The following BAG2 variants were observed in gnomAD, a reference collection of about 807,000 sequenced individuals.
BAG2 encodes BAG cochaperone 2.
A neutral mutation model predicts 16.4 loss-of-function variants in BAG2; 8 were observed. The ratio of observed to expected loss-of-function variants is 0.49; its 90% confidence interval spans 0.29 to 0.88. The LOEUF is 0.88. Ranked by LOEUF, BAG2 falls within the 40% of genes least tolerant of loss-of-function variation. The probability of loss-of-function intolerance (pLI) is 0.09; values close to 1 mark genes in which losing one functional copy is unlikely to be tolerated. For synonymous variants in BAG2, 82 were observed against 89.2 expected (o/e 0.92, Z 0.46); for missense variants, 218 against 248.9 (o/e 0.88, Z 0.84).
At chr6:57,178,867 G>A (rs758377907) in intron 1 of BAG2, among the ~76,000 whole-genome samples, 7 of 151,964 alleles carry the variant, frequency 4.6e-5, no homozygotes, top group South Asian at 2.1e-4. Flanking sequence ...AAATATTTTC[G>A]TCATATGACA....
rs780153559 is a variant in BAG2 at position 57,184,174 on chromosome 6, A to G, written c.620A>G (p.Glu207Gly). The G allele has an allele frequency of 6.5e-7, 1 of 1,546,764 alleles. No homozygotes were observed. The highest frequency in any genetic ancestry group is 8.7e-7 in the Non-Finnish European group (1 of 1,155,760). Residue 207 changes from glutamate to glycine, a missense_variant, in exon 3 of 3, where the codon GAA becomes GGA. Physicochemically the swap from Glu to Gly is moderately conservative, Grantham distance 98. Coordinates refer to ENST00000370693, the MANE Select transcript of BAG2 (RefSeq NM_004282.4). ...TCCAAAACTCTGCAACAAAATGCTG[A>G]AAGCAGATTCAATTAGTCTTCAAAC... ...AGSKTLQQNA[E>G]SRFN
rs1764613631 is a variant in BAG2 at position 57,186,419 on chromosome 6, CG to C, written c.*2230del. ...GCAACCTCCACCTCCCGGGTTCAAG[CG>C]ATTCTCCTGCCTCAGCCTCCCTAGT... On this transcript the variant is annotated 3_prime_UTR_variant, in exon 3 of 3. Transcript: ENST00000370693. 1 of 152,412 alleles carries C rather than the reference CG, an allele frequency of 6.6e-6. No individual in the cohort carries two copies. Among genetic ancestry groups the C allele is most frequent in the Non-Finnish European group, 1.5e-5 (1 of 68,264 alleles). 9.4% of individuals were successfully genotyped at this position (152,412 alleles called of 1,614,324 possible). A position where few individuals can be genotyped will look rare whatever the true frequency, so the allele number is the denominator to read the frequency against.
At chr6:57,179,727 C>A (rs554971099) in intron 1 of BAG2, among the ~76,000 whole-genome samples, 1 of 152,048 alleles carries the variant, frequency 6.6e-6, no homozygotes, top group Non-Finnish European at 1.5e-5. Context: ...ATATATATTT[C>A]TTTATTTTGC....
chr6:57,172,557 C>T lies in BAG2; in HGVS notation c.-141C>T. 1.6e-6 allele frequency: 1 copy of T among 624,674 alleles called. No individual in the cohort carries two copies. Among genetic ancestry groups the T allele is most frequent in the Non-Finnish European group, 2.5e-6 (1 of 397,758 alleles). The allele number at this position is 624,674 out of a possible 1,614,324, so 38.7% of individuals were successfully genotyped here. A position where few individuals can be genotyped will look rare whatever the true frequency, so the allele number is the denominator to read the frequency against. ...CGCTGCAGCCGCGGTGTCGGCGAGT[C>T]CTCCCGGGTTGCCCCCGCGGGCGTC... is the stretch of plus-strand genomic sequence containing the variant. On this transcript the variant is annotated 5_prime_UTR_variant, in exon 1 of 3. Coordinates refer to ENST00000370693, the MANE Select transcript of BAG2 (RefSeq NM_004282.4).
chr6:57,172,895 C>A, intron 1 of BAG2, 85 bp downstream of exon 1: 1 of 1,191,934 alleles, frequency 8.4e-7, no homozygotes, highest in Non-Finnish European at 1.1e-6. Context: ...CCGCGTGTGG[C>A]GGGCCGGGGC....
intron 1 of BAG2, among the ~76,000 whole-genome samples, chr6:57,181,777 C>A (rs1260425748): frequency 1.3e-5 from 2 of 151,968 alleles, no homozygotes; most frequent in East Asian, 3.9e-4. Flanking sequence ...TCAAAATATA[C>A]AAATAATACA....
Position 57,183,863 on chromosome 6 carries a change from C to G in BAG2, c.309C>G (p.Asn103Lys). 2 of 1,613,920 alleles carry G rather than the reference C, an allele frequency of 1.2e-6. No homozygotes were observed. Among genetic ancestry groups the G allele is most frequent in the Non-Finnish European group, 1.7e-6 (2 of 1,179,912 alleles). The change falls in exon 3 of 3, where the codon AAC (asparagine) becomes AAG (lysine). Residue 103 changes from asparagine to lysine, a missense_variant. Around this residue, in one of 3 missense-constraint regions of BAG2, gnomAD observed 113 missense variants for 128.0 expected, o/e 0.88. Coordinates refer to ENST00000370693, the MANE Select transcript of BAG2 (RefSeq NM_004282.4). ...TVEVSVETIRNPQQQESLKHA... is the reference protein window; with the variant it reads ...TVEVSVETIRKPQQQESLKHA... ...AAGTGTCAGTAGAAACAATTAGAAACCCCCAGCAGCAAGAATCCCTAAAGC... is the reference window on the plus strand; with the variant it reads ...AAGTGTCAGTAGAAACAATTAGAAAGCCCCAGCAGCAAGAATCCCTAAAGC...
chr6:57,176,660 C>A (rs1474346027), intron 1 of BAG2, among the ~76,000 whole-genome samples: 1 of 152,106 alleles, frequency 6.6e-6, no homozygotes, highest in Non-Finnish European at 1.5e-5. Flanking sequence ...TAACCTGCAC[C>A]CAGGTAGTGA....
chr6:57,176,357 A>G (rs1020086784), intron 1 of BAG2, among the ~76,000 whole-genome samples: 4 of 152,234 alleles, frequency 2.6e-5, no homozygotes, highest in African/African-American at 7.2e-5. Context: ...TCTTAAATAT[A>G]TCACATTTCA....
In BAG2 at chr6:57,186,548, C is replaced by A. The variant is rs1008601307; in HGVS notation, c.*2358C>A. On this transcript the variant is annotated 3_prime_UTR_variant, in exon 3 of 3. Transcript: ENST00000370693. ...GGCCAGGCTGGTCTCAAACTCCTGA[C>A]CTTGTGATCTGCCTGCCTTGGCCTC... The A allele has an allele frequency of 3.3e-5, 5 of 152,166 alleles. No homozygotes were observed. Among genetic ancestry groups the A allele is most frequent in the African/African-American group, 1.2e-4 (5 of 41,422 alleles). 9.4% of individuals were successfully genotyped at this position (152,166 alleles called of 1,614,324 possible).
rs1027834957 is a variant in BAG2, at chr6:57,172,562, C to A, written c.-136C>A. The A allele has an allele frequency of 5.9e-6, 4 of 672,322 alleles. No homozygotes were observed. Among genetic ancestry groups the A allele is most frequent in the Non-Finnish European group, 9.1e-6 (4 of 438,834 alleles). The allele number at this position is 672,322 out of a possible 1,614,324, so 41.6% of individuals were successfully genotyped here. ...CAGCCGCGGTGTCGGCGAGTCCTCC[C>A]GGGTTGCCCCCGCGGGCGTCAGAGG... On this transcript the variant is annotated 5_prime_UTR_variant, in exon 1 of 3. Transcript: ENST00000370693.
chr6:57,187,846 G>C lies in BAG2; in HGVS notation c.*3656G>C, dbSNP rs1446304075. On this transcript the variant is annotated 3_prime_UTR_variant, in exon 3 of 3. Transcript: ENST00000370693. ...GGAAAAAGTTTTCATCCTCTTTTTG[G>C]TAGTTTTAGCTTTATTTTGAAAAAG... is the stretch of plus-strand genomic sequence containing the variant. The C allele has an allele frequency of 6.6e-6, 1 of 151,826 alleles. No homozygotes were observed. The highest frequency in any genetic ancestry group is 1.5e-5 in the Non-Finnish European group (1 of 67,956). 9.4% of individuals were successfully genotyped at this position (151,826 alleles called of 1,614,324 possible).
intron 1 of BAG2, among the ~76,000 whole-genome samples, chr6:57,177,807 C>A (rs1764326231): frequency 6.6e-6 from 1 of 152,168 alleles, no homozygotes; most frequent in African/African-American, 2.4e-5. Flanking sequence ...TTAATAGTAG[C>A]CACAGTTTGC....
chr6:57,172,780 T>A lies in BAG2; in HGVS notation c.83T>A (p.Leu28Gln). 6.4e-7 allele frequency: 1 copy of A among 1,571,980 alleles called. No individual in the cohort carries two copies. The highest frequency in any genetic ancestry group is 8.6e-7 in the Non-Finnish European group (1 of 1,162,212). ...TCCATGGCTGACCGCTCCAGCCGCC[T>A]GCTGGAGAGCCTGGACCAGCTGGAG... ...SSSMADRSSR[L>Q]LESLDQLELR... Residue 28 changes from leucine (L) to glutamine (Q), a missense_variant, in exon 1 of 3, where the codon CTG (leucine) becomes CAG (glutamine). Leu to Gln is a moderately radical substitution (Grantham distance 113, BLOSUM62 -2). Coordinates refer to ENST00000370693, the MANE Select transcript of BAG2 (RefSeq NM_004282.4).
At chr6:57,176,869 C>T (rs1764299640) in intron 1 of BAG2, among the ~76,000 whole-genome samples, 1 of 149,456 alleles carries the variant, frequency 6.7e-6, no homozygotes, top group African/African-American at 2.5e-5. Flanking sequence ...CACATACTCT[C>T]TCTCCTAGAA....
At position 57,177,305 on chromosome 6, in the gene BAG2, A is replaced by G. The variant is rs865784053; in HGVS notation, c.113+4495A>G. On this transcript the variant is annotated intron_variant, in intron 1 of 2. Coordinates refer to ENST00000370693, the MANE Select transcript of BAG2 (RefSeq NM_004282.4). ...GTGGCGCATGTCTGTAGTCCTAGCC[A>G]CTCGGGAGGCTGAGGCAGGAGAATC... Among the ~76,000 whole-genome samples, 4 of 152,138 alleles carry G rather than the reference A, an allele frequency of 2.6e-5. No individual in the cohort carries two copies. The South Asian group carries it at 8.3e-4, about 32-fold the overall frequency.
chr6:57,174,633 T>A (rs1446717803), intron 1 of BAG2, among the ~76,000 whole-genome samples: 1 of 152,170 alleles, frequency 6.6e-6, no homozygotes, highest in Non-Finnish European at 1.5e-5. Flanking sequence ...TTCTTCTTTT[T>A]AAAAAAGTAA....
In BAG2 at chr6:57,188,407, G is replaced by GTAAC. The variant is rs920623820; in HGVS notation, c.*4220_*4223dup. 6 of 152,140 alleles carry GTAAC rather than the reference G, an allele frequency of 3.9e-5. No individual in the cohort carries two copies. The highest frequency in any genetic ancestry group is 5.9e-5 in the Non-Finnish European group (4 of 68,006). The allele number at this position is 152,140 out of a possible 1,614,324, so 9.4% of individuals were successfully genotyped here. On this transcript the variant is annotated 3_prime_UTR_variant, in exon 3 of 3. Transcript: ENST00000370693. The stretch of plus-strand genomic sequence containing the variant: ...TACATAAAATTATATTACAGGAACT[G>GTAAC]TAACTATCCTCAGAGATTACTTTTT...
At chr6:57,182,642 G>T (rs1203442198) in intron 2 of BAG2, among the ~76,000 whole-genome samples, 3 of 151,502 alleles carry the variant, frequency 2.0e-5, no homozygotes, top group Admixed American at 2.0e-4. Context: ...ATGTAAAAAT[G>T]TGCTGTCATT....
Sources: gnomAD v4.1 joint callset for allele counts (sites outside exome capture counted in the v4.1 genomes callset) on GRCh38, gnomAD v4.1.1 for gene constraint, gnomAD v4.1.1 regional missense constraint, MANE v1.5 for transcripts, NCBI Gene and HGNC (gene_info 2026-07-23, HGNC 2026-07-21) for gene names.